Variants in MAP4K4 observed in about 807,000 individuals in gnomAD.
MAP4K4 encodes mitogen-activated protein kinase kinase kinase kinase 4.
In MAP4K4, 38 loss-of-function variants were observed where a neutral mutation model predicts 189.6. The observed-to-expected ratio is 0.20, with a 90% CI of 0.15 to 0.26. The LOEUF (loss-of-function observed/expected upper bound fraction) is 0.26. MAP4K4 is among the 10% of genes least tolerant of loss of function. MAP4K4 has a pLI of 1.00. For missense variants in MAP4K4, 1,054 were observed against 1,726.9 expected (o/e 0.61, Z 6.91); for synonymous variants, 610 against 624.3 (o/e 0.98, Z 0.34).
intron 3 of MAP4K4, among the ~76,000 whole-genome samples, chr2:101,817,110 T>C (rs889945948): frequency 6.6e-6 from 1 of 152,178 alleles, no homozygotes; most frequent in African/African-American, 2.4e-5. Context: ...CCTCAATGCA[T>C]TCATTTAAAC....
chr2:101,784,048 T>C (rs1212249718), intron 2 of MAP4K4, among the ~76,000 whole-genome samples: 2 of 152,230 alleles, frequency 1.3e-5, no homozygotes, highest in Non-Finnish European at 1.5e-5. Context: ...GAGAGATCCA[T>C]GTTCTGTCCT....
intron 2 of MAP4K4, among the ~76,000 whole-genome samples, chr2:101,765,681 AATCT>A (rs1338725772): frequency 1.3e-5 from 2 of 152,204 alleles, no homozygotes; most frequent in Non-Finnish European, 2.9e-5. Context: ...TCAATGAGGA[AATCT>A]ATCTTACTAG....
At chr2:101,790,946 C>T (rs1053545354) in intron 3 of MAP4K4, among the ~76,000 whole-genome samples, 170 bp downstream of exon 3, 1 of 152,162 alleles carries the variant, frequency 6.6e-6, no homozygotes, top group Non-Finnish European at 1.5e-5. Context: ...AATTGTAGTA[C>T]ACGGTCTCCA....
intron 2 of MAP4K4, among the ~76,000 whole-genome samples, chr2:101,732,283 AT>A (rs2058773590): frequency 6.6e-6 from 1 of 152,112 alleles, no homozygotes; most frequent in Non-Finnish European, 1.5e-5. Flanking sequence ...TTGAGAACTG[AT>A]TACCCCTCAG....
intron 2 of MAP4K4, among the ~76,000 whole-genome samples, chr2:101,767,163 C>G (rs1328114566): frequency 6.6e-6 from 1 of 152,164 alleles, no homozygotes; most frequent in Non-Finnish European, 1.5e-5. Flanking sequence ...TCACTTCCCA[C>G]TGGAGGGATT....
chr2:101,816,919 G>A lies in MAP4K4; in HGVS notation c.181-7009G>A, dbSNP rs115647688. 3.5e-3 allele frequency among the ~76,000 whole-genome samples: 528 copies of A among 152,194 alleles called. 2 individuals are homozygous for A. The highest frequency in any genetic ancestry group is 0.012 in the African/African-American group (513 of 41,520). ...GGAGGGGAGAGGACCCTCAGTCCAA[G>A]GACAGAGGAGATGGACTGTGTGAGT... On this transcript the variant is annotated intron_variant, in intron 3 of 32. Transcript: ENST00000324219.
chr2:101,833,363 G>T (rs1166720212), intron 7 of MAP4K4, among the ~76,000 whole-genome samples: 2 of 152,164 alleles, frequency 1.3e-5, no homozygotes, highest in Non-Finnish European at 2.9e-5. Flanking sequence ...GCTCACGCCT[G>T]TAATCCCAGC....
At chr2:101,700,777 A>G (rs1440928246) in intron 2 of MAP4K4, among the ~76,000 whole-genome samples, 1 of 144,298 alleles carries the variant, frequency 6.9e-6, no homozygotes, top group Non-Finnish European at 1.5e-5. Flanking sequence ...CATCAGTAAA[A>G]TGTGTTTTTT....
intron 2 of MAP4K4, among the ~76,000 whole-genome samples, chr2:101,721,137 A>T (rs1272845141): frequency 6.6e-6 from 1 of 152,232 alleles, no homozygotes; most frequent in African/African-American, 2.4e-5. Context: ...ACTATAGAAC[A>T]TGTCAGTAGA....
chr2:101,813,193 G>A (rs2095534945), intron 3 of MAP4K4, among the ~76,000 whole-genome samples: 1 of 152,156 alleles, frequency 6.6e-6, no homozygotes, highest in Non-Finnish European at 1.5e-5. Context: ...AGAGGTTTAT[G>A]TAATGGAAAC....
chr2:101,812,685 T>G (rs1197007958), intron 3 of MAP4K4, among the ~76,000 whole-genome samples: 3 of 152,158 alleles, frequency 2.0e-5, no homozygotes, highest in Non-Finnish European at 4.4e-5. Context: ...GCATCTTTGC[T>G]GTAGATAATT....
At chr2:101,786,048 A>C (rs974997721) in intron 2 of MAP4K4, among the ~76,000 whole-genome samples, 1 of 151,876 alleles carries the variant, frequency 6.6e-6, no homozygotes, top group Non-Finnish European at 1.5e-5. Flanking sequence ...CTGGTTTCGA[A>C]CTCCTGACCT....
In MAP4K4 at chr2:101,879,734, G is replaced by GC. The variant is rs373618938; in HGVS notation, c.3385+2589dup. The stretch of plus-strand genomic sequence containing the variant: ...ACCCTGGGACTGCCCCCAGAGGCAA[G>GC]CACTGTCCAGACTTTGAACATGTTA... On this transcript the variant is annotated intron_variant, in intron 27 of 32. Coordinates refer to ENST00000324219, the Ensembl canonical transcript of MAP4K4. Among the ~76,000 whole-genome samples, 578 of 151,996 alleles carry GC rather than the reference G, an allele frequency of 3.8e-3. 6 individuals are homozygous for GC. Among genetic ancestry groups the GC allele is most frequent in the African/African-American group, 0.013 (542 of 41,490 alleles).
At chr2:101,698,603 A>T (rs574331776) in intron 2 of MAP4K4, 65 bp downstream of exon 2, 18 of 1,493,320 alleles carry the variant, frequency 1.2e-5, no homozygotes, top group Non-Finnish European at 2.8e-6. Flanking sequence ...GGACGAGGAG[A>T]GGGTGATAAA....
chr2:101,734,103 T>C (rs780023566), intron 2 of MAP4K4, among the ~76,000 whole-genome samples: 6 of 152,214 alleles, frequency 3.9e-5, no homozygotes, highest in Non-Finnish European at 7.3e-5. Context: ...ACACTATTGA[T>C]AGAAAATAAA....
chr2:101,800,173 A>G (rs903554122), intron 3 of MAP4K4, among the ~76,000 whole-genome samples: 5 of 151,602 alleles, frequency 3.3e-5, no homozygotes, highest in African/African-American at 1.2e-4. Context: ...TTCATCCCCC[A>G]GGTTGGAGTG....
intron 2 of MAP4K4, among the ~76,000 whole-genome samples, chr2:101,788,456 A>T (rs2092145085): frequency 6.6e-6 from 1 of 152,242 alleles, no homozygotes; most frequent in Non-Finnish European, 1.5e-5. Flanking sequence ...TGATGGGGTG[A>T]TGGACAAGGA....
chr2:101,801,031 T>A lies in MAP4K4; in HGVS notation c.180+10255T>A, dbSNP rs896927084. ...AAATTTTGTATAATCTAAATTGCTG[T>A]TTTTTTTAAAAAAATGGATACTGTC... On this transcript the variant is annotated intron_variant, in intron 3 of 32. Transcript: ENST00000324219. Among the ~76,000 whole-genome samples the A allele has an allele frequency of 4.3e-3, 21 of 4,916 alleles. No homozygotes were observed. The African/African-American group carries it at 0.15, about 35-fold the overall frequency. The allele number at this position is 4,916 out of a possible 152,430, so 3.2% of individuals were successfully genotyped here. A position where few individuals can be genotyped will look rare whatever the true frequency, so the allele number is the denominator to read the frequency against.
intron 2 of MAP4K4, among the ~76,000 whole-genome samples, chr2:101,710,507 A>G (rs1056717848): frequency 6.6e-6 from 1 of 152,168 alleles, no homozygotes; most frequent in Admixed American, 6.5e-5. Context: ...TGTGTTTATA[A>G]TATGTGCCAG....
Sources: allele counts gnomAD v4.1 joint callset (sites outside exome capture counted in the v4.1 genomes callset), GRCh38; gene constraint gnomAD v4.1.1; transcripts MANE v1.5; gene names NCBI Gene and HGNC (gene_info 2026-07-23, HGNC 2026-07-21).